Variants in CTNNA3 observed in about 807,000 individuals in gnomAD.
The protein encoded by CTNNA3 is catenin alpha-3.
Under a neutral mutation model 95.7 loss-of-function variants are expected in CTNNA3, and 76 were observed. The observed-to-expected ratio is 0.79, with a 90% CI of 0.66 to 0.96. The LOEUF (loss-of-function observed/expected upper bound fraction) is 0.96, where lower values mean the gene tolerates loss of function less well. Ranked by LOEUF, CTNNA3 falls within the 40% of genes least tolerant of loss-of-function variation. The pLI is 0.00. For missense variants in CTNNA3, 1,191 were observed against 1,089.8 expected (o/e 1.09, Z -1.31); for synonymous variants, 431 against 374.4 (o/e 1.15, Z -1.74).
intron 5 of CTNNA3, among the ~76,000 whole-genome samples, chr10:67,373,234 C>G (rs926183605): frequency 6.6e-6 from 1 of 152,228 alleles, no homozygotes; most frequent in South Asian, 2.1e-4. Flanking sequence ...AAACCCATCT[C>G]ACATGCAGAG....
intron 10 of CTNNA3, among the ~76,000 whole-genome samples, chr10:66,618,744 A>G (rs1186225443): frequency 1.3e-5 from 2 of 152,244 alleles, no homozygotes; most frequent in African/African-American, 4.8e-5. Flanking sequence ...TCTGCACAGC[A>G]AAAGAAACTA....
chr10:66,158,691 G>T (rs922168020), intron 13 of CTNNA3, among the ~76,000 whole-genome samples: 1 of 151,848 alleles, frequency 6.6e-6, no homozygotes, highest in African/African-American at 2.4e-5. Flanking sequence ...GAAGAATGAT[G>T]GTGGTAATTT....
At chr10:66,501,588 G>C (rs1270993221) in intron 11 of CTNNA3, among the ~76,000 whole-genome samples, 1 of 152,100 alleles carries the variant, frequency 6.6e-6, no homozygotes, top group African/African-American at 2.4e-5. Flanking sequence ...AGTGTTCACT[G>C]GGCACTTGGC....
chr10:65,961,333 C>T (rs760485855), intron 17 of CTNNA3, among the ~76,000 whole-genome samples: 3 of 152,048 alleles, frequency 2.0e-5, no homozygotes, highest in Non-Finnish European at 2.9e-5. Flanking sequence ...TTTTTGCCTT[C>T]ACCATAATAC....
At chr10:66,096,919 A>G (rs1420686788) in intron 14 of CTNNA3, among the ~76,000 whole-genome samples, 1 of 152,208 alleles carries the variant, frequency 6.6e-6, no homozygotes, top group African/African-American at 2.4e-5. Flanking sequence ...AAAGTTCCAC[A>G]AGGAAGAAAA....
chr10:66,700,017 T>C (rs1847893439), intron 9 of CTNNA3, among the ~76,000 whole-genome samples: 1 of 152,078 alleles, frequency 6.6e-6, no homozygotes, highest in Non-Finnish European at 1.5e-5. Flanking sequence ...TTTTTTGCTA[T>C]TGTGTGAGTT....
chr10:66,573,689 T>C (rs1488262405), intron 10 of CTNNA3, among the ~76,000 whole-genome samples: 1 of 152,152 alleles, frequency 6.6e-6, no homozygotes, highest in Non-Finnish European at 1.5e-5. Context: ...ACCCCCTGCT[T>C]TCAATTAAAA....
intron 15 of CTNNA3, among the ~76,000 whole-genome samples, chr10:66,065,135 C>T (rs1365980599): frequency 6.6e-6 from 1 of 151,894 alleles, no homozygotes; most frequent in Non-Finnish European, 1.5e-5. Context: ...AAGTCTTTAC[C>T]CTGGGTGGCC....
chr10:67,712,041 C>T (rs1246527207), intron 1 of CTNNA3, among the ~76,000 whole-genome samples: 1 of 151,992 alleles, frequency 6.6e-6, no homozygotes, highest in Admixed American at 6.6e-5. Context: ...TGGGTATATA[C>T]CCAAAGGACT....
At chr10:66,337,765 T>C (rs926511114) in intron 12 of CTNNA3, among the ~76,000 whole-genome samples, 2 of 152,054 alleles carry the variant, frequency 1.3e-5, no homozygotes. Context: ...TGAACAAGAA[T>C]GTAAAGAAAT....
intron 11 of CTNNA3, among the ~76,000 whole-genome samples, chr10:66,508,184 TTTTTTTTTG>T (rs1840521249): frequency 7.0e-6 from 1 of 143,092 alleles, no homozygotes; most frequent in Non-Finnish European, 1.5e-5. Context: ...GCTCTTGTTT[TTTTTTTTTG>T]TTTTGTTTTG....
At chr10:67,298,259 T>C (rs1007551574) in intron 5 of CTNNA3, among the ~76,000 whole-genome samples, 1 of 152,234 alleles carries the variant, frequency 6.6e-6, no homozygotes, top group African/African-American at 2.4e-5. Context: ...CCTTAGCATT[T>C]ATCCAGTAAA....
intron 10 of CTNNA3, among the ~76,000 whole-genome samples, chr10:66,618,515 A>C (rs1844614662): frequency 6.6e-6 from 1 of 152,198 alleles, no homozygotes; most frequent in Non-Finnish European, 1.5e-5. Flanking sequence ...ATAGGTAGAA[A>C]GCTGAAACTG....
At chr10:66,108,115 G>A (rs60504549) in intron 13 of CTNNA3, among the ~76,000 whole-genome samples, 8 of 151,892 alleles carry the variant, frequency 5.3e-5, no homozygotes, top group East Asian at 1.9e-4. Flanking sequence ...AGGTAGTAAC[G>A]TAGGATGATT....
chr10:66,479,796 T>C (rs1243016438), intron 11 of CTNNA3, among the ~76,000 whole-genome samples: 2 of 152,132 alleles, frequency 1.3e-5, no homozygotes, highest in Admixed American at 6.5e-5. Flanking sequence ...GTATTGTTTA[T>C]TCTTTTTCGA....
At chr10:66,017,877 A>C (rs1486661754) in intron 15 of CTNNA3, among the ~76,000 whole-genome samples, 1 of 151,990 alleles carries the variant, frequency 6.6e-6, no homozygotes, top group Non-Finnish European at 1.5e-5. Flanking sequence ...AGAATAATTC[A>C]TTTTCTCACA....
intron 13 of CTNNA3, among the ~76,000 whole-genome samples, chr10:66,150,069 T>C (rs2084113598): frequency 6.6e-6 from 1 of 152,216 alleles, no homozygotes; most frequent in Admixed American, 6.6e-5. Context: ...ATGGTTGATA[T>C]GGTTTGGCTG....
intron 3 of CTNNA3, among the ~76,000 whole-genome samples, chr10:67,568,058 G>A (rs1841866463): frequency 2.0e-5 from 3 of 152,098 alleles, no homozygotes; most frequent in Admixed American, 2.0e-4. Flanking sequence ...AGTGGATGTA[G>A]CCAGAAACTA....
intron 7 of CTNNA3, among the ~76,000 whole-genome samples, chr10:67,065,333 A>C (rs1046801539): frequency 5.3e-5 from 8 of 152,218 alleles, no homozygotes; most frequent in Admixed American, 1.3e-4. Flanking sequence ...GAGTTGTGAT[A>C]ACAATAAAAA....
Sources: allele counts gnomAD v4.1 joint callset (sites outside exome capture counted in the v4.1 genomes callset), GRCh38; gene constraint gnomAD v4.1.1; transcripts MANE v1.5; gene names NCBI Gene and HGNC (gene_info 2026-07-23, HGNC 2026-07-21).